Variants in CD99L2 observed in about 807,000 individuals in gnomAD.
CD99L2 encodes CD99 antigen-like protein 2.
Under a neutral mutation model 27.3 loss-of-function variants are expected in CD99L2, and 24 were observed. That is an observed-to-expected ratio of 0.88 (90% confidence interval 0.64 to 1.24). The LOEUF (loss-of-function observed/expected upper bound fraction) is 1.24, where lower values mean the gene tolerates loss of function less well. CD99L2 is among the 50% of genes most tolerant of loss of function. The pLI is 0.00. For missense variants in CD99L2, 255 were observed against 221.6 expected, an observed-to-expected ratio of 1.15 and a Z score of -0.96; for synonymous variants, 97 against 87.9, an observed-to-expected ratio of 1.10 and a Z score of -0.58.
At chrX:150,810,581 A>C (rs1557420336) in intron 4 of CD99L2, among the ~76,000 whole-genome samples, 1 of 111,574 alleles carries the variant, frequency 9.0e-6, no homozygotes. Context: ...TGAAGGAAGA[A>C]AAAAAGATGA....
At chrX:150,770,565 AGGAGTTCTC>A (rs1344608866) in intron 9 of CD99L2, among the ~76,000 whole-genome samples, 196 bp from the exon 10 acceptor site, 2 of 112,542 alleles carry the variant, frequency 1.8e-5, no homozygotes, top group Non-Finnish European at 3.8e-5. Flanking sequence ...TTCACTGCCC[AGGAGTTCTC>A]ATCATCGTCC....
intron 2 of CD99L2, among the ~76,000 whole-genome samples, chrX:150,830,045 C>T (rs782709362): frequency 1.0e-4 from 11 of 109,979 alleles, no homozygotes; most frequent in South Asian, 4.0e-4. Flanking sequence ...GTCCCAGCTA[C>T]TTGGGAGGCT....
intron 10 of CD99L2, among the ~76,000 whole-genome samples, chrX:150,769,631 GTAGTTC>G (rs1557418890): frequency 1.8e-5 from 2 of 109,163 alleles, no homozygotes; most frequent in Non-Finnish European, 3.9e-5. Flanking sequence ...CTGCTGCACT[GTAGTTC>G]CACTGGCAAC....
At chrX:150,841,195 T>C (rs902636220) in intron 1 of CD99L2, among the ~76,000 whole-genome samples, 5 of 111,420 alleles carry the variant, frequency 4.5e-5, no homozygotes, top group Admixed American at 9.5e-5. Flanking sequence ...CAATTAATGA[T>C]TGTGTAGCTG....
At chrX:150,875,540 C>T (rs782690791) in intron 1 of CD99L2, among the ~76,000 whole-genome samples, 4 of 111,684 alleles carry the variant, frequency 3.6e-5, no homozygotes, top group Non-Finnish European at 7.5e-5. Flanking sequence ...CACACCTGTC[C>T]CTAACCCCTG....
At chrX:150,857,187 T>TG (rs2046904340) in intron 1 of CD99L2, among the ~76,000 whole-genome samples, 1 of 111,525 alleles carries the variant, frequency 9.0e-6, no homozygotes, top group African/African-American at 3.3e-5. Context: ...TGTAAGGGGT[T>TG]GAAAAACTAA....
At chrX:150,769,165 G>A in intron 10 of CD99L2, 64 bp from the exon 11 acceptor site, 1 of 1,097,152 alleles carries the variant, frequency 9.1e-7, no homozygotes, top group Non-Finnish European at 1.2e-6. Flanking sequence ...AGCAAATACA[G>A]CAGCAAGCCC....
chrX:150,778,605 G>C (rs1211990780), intron 7 of CD99L2, among the ~76,000 whole-genome samples: 3 of 105,741 alleles, frequency 2.8e-5, no homozygotes, highest in Non-Finnish European at 3.9e-5. Flanking sequence ...AAAGATTCAT[G>C]TTGGTGTGCT....
chrX:150,868,682 G>A (rs1477063266), intron 1 of CD99L2, among the ~76,000 whole-genome samples: 1 of 111,668 alleles, frequency 9.0e-6, no homozygotes, highest in African/African-American at 3.3e-5. Context: ...TAGTATCCTC[G>A]AATCCACTTT....
In CD99L2 at chrX:150,824,146, A is replaced by G. The variant is rs782404926; in HGVS notation, c.130+7085T>C. Among the ~76,000 whole-genome samples, 61 of 55,113 alleles carry G rather than the reference A, an allele frequency of 1.1e-3. 6 individuals are homozygous for G. The highest frequency in any genetic ancestry group is 1.5e-3 in the Non-Finnish European group (48 of 31,151). 47.9% of individuals were successfully genotyped at this position (55,113 alleles called of 115,157 possible). On this transcript the variant is annotated intron_variant, in intron 2 of 10. Transcript: ENST00000370377. ...GAAGGAGGAGGAGGAGGAGGAGAAG[A>G]AGGAAGGAGGAGGAGGAGGAGGAGG... is the stretch of plus-strand genomic sequence containing the variant.
chrX:150,842,129 G>C (rs146905701), intron 1 of CD99L2, among the ~76,000 whole-genome samples: 1 of 111,871 alleles, frequency 8.9e-6, no homozygotes, highest in African/African-American at 3.2e-5. Flanking sequence ...ACCGCAGAGG[G>C]CCACCAAGAA....
At chrX:150,840,210 A>G (rs1205301800) in intron 1 of CD99L2, among the ~76,000 whole-genome samples, 7 of 109,386 alleles carry the variant, frequency 6.4e-5, no homozygotes, top group Non-Finnish European at 9.5e-5. Context: ...TCAAAAAGAA[A>G]AAAGAAAAAA....
intron 1 of CD99L2, among the ~76,000 whole-genome samples, chrX:150,861,141 C>CAAAAAAAAAAAAAAAAA (rs782255590): frequency 0.013 from 550 of 40,748 alleles, 27 homozygotes; most frequent in Non-Finnish European, 0.021. Flanking sequence ...GACTCTGTCT[C>CAAAAAAAAAAAAAAAAA]AAAAAAAAAA....
intron 3 of CD99L2, among the ~76,000 whole-genome samples, chrX:150,815,330 C>T (rs782175854): frequency 1.6e-4 from 18 of 111,938 alleles, no homozygotes; most frequent in Admixed American, 1.5e-3. Context: ...TGAAGCACCC[C>T]TTTGAATGTG....
At chrX:150,863,603 G>A (rs1462075428) in intron 1 of CD99L2, among the ~76,000 whole-genome samples, 1 of 111,779 alleles carries the variant, frequency 8.9e-6, no homozygotes, top group African/African-American at 3.3e-5. Context: ...TTGTTTGCTT[G>A]TTTGTTTGTA....
chrX:150,882,038 G>C (rs1450472874), intron 1 of CD99L2, among the ~76,000 whole-genome samples: 3 of 110,349 alleles, frequency 2.7e-5, no homozygotes, highest in East Asian at 5.8e-4. Flanking sequence ...GGATGGTCTC[G>C]ATCTCTTGAC....
chrX:150,792,147 GAC>G lies in CD99L2; in HGVS notation c.496+1542_496+1543del, dbSNP rs2045699968. On this transcript the variant is annotated intron_variant, in intron 7 of 10. Coordinates refer to ENST00000370377, the MANE Select transcript of CD99L2 (RefSeq NM_031462.4). ...ACGACCCCCTTTATCTTCTTTTCCT[GAC>G]ACCTATAATGGCAGAGGGTATAACT... Among the ~76,000 whole-genome samples the G allele has an allele frequency of 1.3e-4, 15 of 111,782 alleles. No homozygotes were observed. The South Asian group carries it at 5.6e-3, about 42-fold the overall frequency.
intron 2 of CD99L2, among the ~76,000 whole-genome samples, chrX:150,821,002 ACT>A (rs1557420650): frequency 8.9e-6 from 1 of 112,280 alleles, no homozygotes; most frequent in African/African-American, 3.2e-5. Context: ...GTTACAACAC[ACT>A]GTTAAAAAAT....
intron 7 of CD99L2, 113 bp downstream of exon 7, chrX:150,793,577 CT>C (rs2045732299): frequency 1.7e-6 from 1 of 577,081 alleles, no homozygotes; most frequent in African/African-American, 2.3e-5. Context: ...AACTGGCAGG[CT>C]GGGATGTCTG....
Sources: gnomAD v4.1 joint callset for allele counts (sites outside exome capture counted in the v4.1 genomes callset) on GRCh38, gnomAD v4.1.1 for gene constraint, MANE v1.5 for transcripts, NCBI Gene and HGNC (gene_info 2026-07-23, HGNC 2026-07-21) for gene names.